Variants in NKAIN3 observed in about 807,000 individuals in gnomAD.
The protein encoded by NKAIN3 is sodium/potassium transporting ATPase interacting 3.
NKAIN3 carries 25 observed loss-of-function variants against 30.2 expected under a neutral mutation model. The observed-to-expected ratio is 0.83, with a 90% CI of 0.60 to 1.16. The LOEUF (loss-of-function observed/expected upper bound fraction) is 1.16. NKAIN3 is among the 50% of genes most tolerant of loss of function. The pLI, the probability that NKAIN3 is intolerant of heterozygous loss-of-function variation, is 0.00. For missense variants in NKAIN3, 225 were observed against 254.1 expected (o/e 0.89, Z 0.78); for synonymous variants, 91 against 89.6 (o/e 1.02, Z -0.09).
At chr8:62,790,202 A>T (rs1439440396) in intron 4 of NKAIN3, among the ~76,000 whole-genome samples, 1 of 152,186 alleles carries the variant, frequency 6.6e-6, no homozygotes, top group Non-Finnish European at 1.5e-5. Context: ...ACAGAACCAA[A>T]GACAAAAACC....
At chr8:62,598,868 G>A (rs1000419090) in intron 3 of NKAIN3, among the ~76,000 whole-genome samples, 1 of 152,012 alleles carries the variant, frequency 6.6e-6, no homozygotes, top group African/African-American at 2.4e-5. Context: ...GGATCCAGCT[G>A]TTGTCCACCT....
At chr8:62,806,586 T>C (rs1212332261) in intron 4 of NKAIN3, among the ~76,000 whole-genome samples, 1 of 152,018 alleles carries the variant, frequency 6.6e-6, no homozygotes, top group African/African-American at 2.4e-5. Flanking sequence ...TTCTCACTCA[T>C]AGGTGGGAAT....
intron 4 of NKAIN3, among the ~76,000 whole-genome samples, chr8:62,897,645 C>T (rs1821472036): frequency 6.6e-6 from 1 of 152,044 alleles, no homozygotes; most frequent in Admixed American, 6.6e-5. Flanking sequence ...AAATTTGTTC[C>T]TCAATATGGC....
At chr8:62,352,468 T>A (rs1309198090) in intron 1 of NKAIN3, among the ~76,000 whole-genome samples, 3 of 152,100 alleles carry the variant, frequency 2.0e-5, no homozygotes, top group Admixed American at 6.5e-5. Flanking sequence ...TCCTTGGGAG[T>A]TATGGAGCCA....
chr8:62,684,448 C>A (rs1813735006), intron 3 of NKAIN3, among the ~76,000 whole-genome samples: 1 of 152,180 alleles, frequency 6.6e-6, no homozygotes. Context: ...TTCCATGTCA[C>A]CTTGTTAGTC....
intron 1 of NKAIN3, among the ~76,000 whole-genome samples, chr8:62,267,603 C>G (rs367792625): frequency 6.6e-6 from 1 of 152,124 alleles, no homozygotes; most frequent in East Asian, 1.9e-4. Context: ...AGAAAGGGTC[C>G]TGCCTTACTT....
At chr8:62,861,310 A>G (rs776111791) in intron 4 of NKAIN3, among the ~76,000 whole-genome samples, 61 of 152,340 alleles carry the variant, frequency 4.0e-4, no homozygotes, top group Non-Finnish European at 4.4e-4. Flanking sequence ...AACACCATGA[A>G]CACAATAAAC....
At chr8:62,496,881 G>A (rs1807258484) in intron 1 of NKAIN3, among the ~76,000 whole-genome samples, 1 of 152,016 alleles carries the variant, frequency 6.6e-6, no homozygotes, top group South Asian at 2.1e-4. Context: ...TCCGTACGTG[G>A]CCTCCAATTT....
rs116835756 is a variant in NKAIN3 at position 62,701,315 on chromosome 8, T to C, written c.274-45617T>C. Reference sequence around the variant, plus strand: ...CCTTACTACACATGACCAGCCATTTTTCAAAAATGCAGAGCCTGTGTCCAA... The same window carrying C: ...CCTTACTACACATGACCAGCCATTTCTCAAAAATGCAGAGCCTGTGTCCAA... On this transcript the variant is annotated intron_variant, in intron 3 of 6. Transcript: ENST00000623646. Among the ~76,000 whole-genome samples, 208 of 152,322 alleles carry C rather than the reference T, an allele frequency of 1.4e-3. 1 individual carries two copies. Among genetic ancestry groups the C allele is most frequent in the African/African-American group, 4.6e-3 (193 of 41,582 alleles).
chr8:62,473,099 C>A (rs943056801), intron 1 of NKAIN3: 1 of 152,218 alleles, frequency 6.6e-6, no homozygotes, highest in African/African-American at 2.4e-5. Flanking sequence ...CTGTTTAATT[C>A]TCCTTTTATT....
At chr8:62,825,927 G>A (rs576308580) in intron 4 of NKAIN3, among the ~76,000 whole-genome samples, 7 of 152,244 alleles carry the variant, frequency 4.6e-5, no homozygotes, top group Admixed American at 6.5e-5. Context: ...GAAGGGCACC[G>A]CAGCAGCCAT....
At chr8:62,703,432 C>A (rs951933231) in intron 3 of NKAIN3, among the ~76,000 whole-genome samples, 4 of 152,142 alleles carry the variant, frequency 2.6e-5, no homozygotes, top group African/African-American at 9.7e-5. Flanking sequence ...TATTCCCCAA[C>A]TCCCCACAAA....
intron 3 of NKAIN3, among the ~76,000 whole-genome samples, chr8:62,667,334 ATATATATATTCTTTATATATATATCTG>A (rs1392758156): frequency 7.9e-5 from 9 of 114,158 alleles, no homozygotes; most frequent in Non-Finnish European, 1.3e-4. Context: ...TATATTCTTT[ATATATATATTCTTTATATATATATCTG>A]TATATATATA....
At chr8:62,331,845 G>T (rs1273773440) in intron 1 of NKAIN3, among the ~76,000 whole-genome samples, 1 of 152,000 alleles carries the variant, frequency 6.6e-6, no homozygotes, top group South Asian at 2.1e-4. Context: ...CTTTTAAAAA[G>T]ATTAAAATTC....
intron 3 of NKAIN3, among the ~76,000 whole-genome samples, chr8:62,678,783 T>C (rs935746824): frequency 2.0e-5 from 3 of 151,974 alleles, no homozygotes; most frequent in Non-Finnish European, 2.9e-5. Flanking sequence ...GCTATATAAA[T>C]TTTTTTCTAT....
At chr8:62,375,798 T>C (rs1409725122) in intron 1 of NKAIN3, among the ~76,000 whole-genome samples, 1 of 152,194 alleles carries the variant, frequency 6.6e-6, no homozygotes, top group Non-Finnish European at 1.5e-5. Flanking sequence ...TGAATATATA[T>C]GTTTAACAAT....
chr8:62,512,234 C>T (rs1807837032), intron 1 of NKAIN3, among the ~76,000 whole-genome samples: 1 of 152,056 alleles, frequency 6.6e-6, no homozygotes, highest in African/African-American at 2.4e-5. Flanking sequence ...TTGTGGATAT[C>T]AGGCTAATTA....
intron 5 of NKAIN3, among the ~76,000 whole-genome samples, chr8:62,998,860 A>G (rs1265854225): frequency 2.0e-5 from 3 of 152,192 alleles, no homozygotes; most frequent in African/African-American, 7.2e-5. Context: ...AACTAAGACT[A>G]AAAACTAGCA....
At chr8:62,501,055 G>A (rs1807436692) in intron 1 of NKAIN3, among the ~76,000 whole-genome samples, 1 of 152,068 alleles carries the variant, frequency 6.6e-6, no homozygotes, top group African/African-American at 2.4e-5. Flanking sequence ...TCTTATACAT[G>A]TTCCTTTTTT....
Sources: allele counts gnomAD v4.1 joint callset (sites outside exome capture counted in the v4.1 genomes callset), GRCh38; gene constraint gnomAD v4.1.1; transcripts MANE v1.5; gene names NCBI Gene and HGNC (gene_info 2026-07-23, HGNC 2026-07-21).